MACROD2: variants seen among roughly 807,000 people sequenced by gnomAD.
The protein encoded by MACROD2 is ADP-ribose glycohydrolase MACROD2.
In MACROD2, 36 loss-of-function variants were observed where a neutral mutation model predicts 70.4. The observed-to-expected ratio is 0.51, with a 90% CI of 0.39 to 0.68. MACROD2 has a LOEUF of 0.68. Ranked by LOEUF, MACROD2 falls within the 30% of genes least tolerant of loss-of-function variation. MACROD2 has a pLI of 0.00. For synonymous variants in MACROD2, 172 were observed against 178.8 expected (o/e 0.96, Z 0.30); for missense variants, 496 against 538.4 (o/e 0.92, Z 0.78).
chr20:15,392,421 A>T (rs1043857588), intron 6 of MACROD2, among the ~76,000 whole-genome samples: 1 of 152,102 alleles, frequency 6.6e-6, no homozygotes, highest in Non-Finnish European at 1.5e-5. Flanking sequence ...TATTATTTTA[A>T]TTTTTATGAT....
intron 5 of MACROD2, among the ~76,000 whole-genome samples, chr20:15,034,224 T>A (rs2075296366): frequency 6.6e-6 from 1 of 152,214 alleles, no homozygotes; most frequent in Non-Finnish European, 1.5e-5. Flanking sequence ...CATAAAGCAC[T>A]GCTACCAAAT....
chr20:14,392,035 T>C (rs1032172384), intron 3 of MACROD2, among the ~76,000 whole-genome samples: 1 of 151,954 alleles, frequency 6.6e-6, no homozygotes, highest in East Asian at 1.9e-4. Context: ...TCTTTTTTTT[T>C]CAAAGTAAAA....
At chr20:15,838,294 A>C (rs2064135639) in intron 8 of MACROD2, among the ~76,000 whole-genome samples, 1 of 152,146 alleles carries the variant, frequency 6.6e-6, no homozygotes, top group South Asian at 2.1e-4. Flanking sequence ...ATTTCACATT[A>C]CCAGGGAAGA....
chr20:14,734,528 A>G (rs995031062), intron 5 of MACROD2, among the ~76,000 whole-genome samples: 15 of 110,876 alleles, frequency 1.4e-4, no homozygotes, highest in African/African-American at 3.5e-4. Flanking sequence ...AAAAAAAACA[A>G]AAACAAAAAC....
At chr20:15,374,421 A>G (rs1212676005) in intron 6 of MACROD2, among the ~76,000 whole-genome samples, 1 of 151,996 alleles carries the variant, frequency 6.6e-6, no homozygotes, top group African/African-American at 2.4e-5. Flanking sequence ...ATGGTCGCCA[A>G]ATTCTCTTTT....
intron 8 of MACROD2, among the ~76,000 whole-genome samples, chr20:15,725,032 A>G (rs1213054578): frequency 6.6e-6 from 1 of 152,168 alleles, no homozygotes; most frequent in Non-Finnish European, 1.5e-5. Context: ...CAGTGAGCCG[A>G]GATCACGCCA....
intron 6 of MACROD2, among the ~76,000 whole-genome samples, chr20:15,396,514 G>T (rs2045862269): frequency 6.6e-6 from 1 of 152,162 alleles, no homozygotes; most frequent in Non-Finnish European, 1.5e-5. Context: ...AATCTTAGAA[G>T]AGGAAGGACA....
chr20:14,097,404 A>T (rs1234731981), intron 3 of MACROD2, among the ~76,000 whole-genome samples: 1 of 152,198 alleles, frequency 6.6e-6, no homozygotes, highest in African/African-American at 2.4e-5. Context: ...GTCTAATTGT[A>T]ATTGGTTGGT....
At chr20:15,795,062 G>C (rs912912455) in intron 8 of MACROD2, among the ~76,000 whole-genome samples, 2 of 151,998 alleles carry the variant, frequency 1.3e-5, no homozygotes, top group African/African-American at 4.8e-5. Flanking sequence ...AGATCTCCTT[G>C]TCTGCACAAT....
chr20:15,096,005 G>C (rs2075828760), intron 5 of MACROD2, among the ~76,000 whole-genome samples: 1 of 152,116 alleles, frequency 6.6e-6, no homozygotes, highest in South Asian at 2.1e-4. Flanking sequence ...ATCCTCAGCT[G>C]ATGTATCAAT....
At chr20:15,839,675 TATC>T (rs1473649879) in intron 8 of MACROD2, among the ~76,000 whole-genome samples, 2 of 152,138 alleles carry the variant, frequency 1.3e-5, no homozygotes, top group Non-Finnish European at 1.5e-5. Context: ...GCTGACCACA[TATC>T]ATCTATAAGA....
At chr20:14,714,310 G>A (rs1600576193) in intron 5 of MACROD2, among the ~76,000 whole-genome samples, 2 of 152,078 alleles carry the variant, frequency 1.3e-5, no homozygotes, top group East Asian at 3.9e-4. Context: ...CCTACCATGT[G>A]CACCTCTCAC....
At position 14,009,692 on chromosome 20, in the gene MACROD2, C is replaced by T. The variant is rs547558042; in HGVS notation, c.163+7288C>T. On this transcript the variant is annotated intron_variant, in intron 2 of 17. Coordinates refer to ENST00000684519, the MANE Select transcript of MACROD2 (RefSeq NM_001351661.2). ...GGCGTATGTTCATTACAGCACTGTT[C>T]ACAATGGCAAAGACATAGACTCAAC... Among the ~76,000 whole-genome samples, 3 of 152,290 alleles carry T rather than the reference C, an allele frequency of 2.0e-5. No homozygotes were observed. The East Asian group carries it at 5.8e-4, about 29-fold the overall frequency.
intron 5 of MACROD2, among the ~76,000 whole-genome samples, chr20:15,144,157 T>C (rs1302144840): frequency 6.6e-6 from 1 of 152,124 alleles, no homozygotes; most frequent in Non-Finnish European, 1.5e-5. Flanking sequence ...AGAGACATCA[T>C]GTTGTCCAGG....
intron 3 of MACROD2, among the ~76,000 whole-genome samples, chr20:14,481,475 G>A (rs940556423): frequency 6.6e-6 from 1 of 152,052 alleles, no homozygotes; most frequent in Non-Finnish European, 1.5e-5. Flanking sequence ...GGAAAGGTAT[G>A]GCGAAATATT....
chr20:15,546,890 T>C (rs1269394264), intron 8 of MACROD2, among the ~76,000 whole-genome samples: 1 of 152,228 alleles, frequency 6.6e-6, no homozygotes, highest in Non-Finnish European at 1.5e-5. Context: ...TGAATTGATC[T>C]CTTTTAGGAT....
At chr20:14,354,963 T>C (rs946688659) in intron 3 of MACROD2, among the ~76,000 whole-genome samples, 3 of 152,218 alleles carry the variant, frequency 2.0e-5, no homozygotes, top group African/African-American at 7.2e-5. Flanking sequence ...AAAGATATGA[T>C]TTCATTCTTT....
chr20:15,865,126 G>GATA (rs2064474296), intron 9 of MACROD2, among the ~76,000 whole-genome samples: 1 of 151,988 alleles, frequency 6.6e-6, no homozygotes, highest in African/African-American at 2.4e-5. Context: ...ATGCAATAAT[G>GATA]ATAATAGTTT....
intron 8 of MACROD2, among the ~76,000 whole-genome samples, chr20:15,669,685 C>G (rs6043425): frequency 0.44 from 66,658 of 151,648 alleles, 15,275 homozygotes; most frequent in South Asian, 0.64. Context: ...ATTTGCCTGG[C>G]AAGAGCAAGG....
Sources: allele counts gnomAD v4.1 joint callset (sites outside exome capture counted in the v4.1 genomes callset), GRCh38; gene constraint gnomAD v4.1.1; transcripts MANE v1.5; gene names NCBI Gene and HGNC (gene_info 2026-07-23, HGNC 2026-07-21).